The following RASGEF1C variants were observed in gnomAD, a reference collection of about 807,000 sequenced individuals.
RASGEF1C encodes the protein RasGEF domain family member 1C.
RASGEF1C carries 27 observed loss-of-function variants against 58.1 expected under a neutral mutation model. The observed-to-expected ratio is 0.46, with a 90% confidence interval of 0.34 to 0.64. The LOEUF is 0.64. RASGEF1C is among the 30% of genes least tolerant of loss of function. RASGEF1C has a pLI of 0.01. For missense variants in RASGEF1C, 502 were observed against 605.1 expected, an observed-to-expected ratio of 0.83 and a Z score of 1.79; for synonymous variants, 243 against 246.3, an observed-to-expected ratio of 0.99 and a Z score of 0.13.
intron 1 of RASGEF1C, among the ~76,000 whole-genome samples, chr5:180,190,218 T>C (rs1227803790): frequency 6.6e-6 from 1 of 151,916 alleles, no homozygotes; most frequent in Non-Finnish European, 1.5e-5. Context: ...CCGGGCACGG[T>C]GGCTCACGCC....
At chr5:180,180,511 C>G (rs1268877444) in intron 1 of RASGEF1C, among the ~76,000 whole-genome samples, 1 of 152,222 alleles carries the variant, frequency 6.6e-6, no homozygotes, top group Non-Finnish European at 1.5e-5. Context: ...CCTCACTTCA[C>G]AGTTTGCAGA....
At chr5:180,103,164 G>A (rs1561727541) in intron 12 of RASGEF1C, among the ~76,000 whole-genome samples, 1 of 152,128 alleles carries the variant, frequency 6.6e-6, no homozygotes, top group Admixed American at 6.5e-5. Context: ...TGCAAGCTCT[G>A]CCTCCCGGGT....
intron 6 of RASGEF1C, among the ~76,000 whole-genome samples, chr5:180,121,868 C>T (rs1766183149): frequency 1.3e-5 from 2 of 152,340 alleles, no homozygotes; most frequent in South Asian, 2.1e-4. Flanking sequence ...CCGCATCACA[C>T]GCTCAGACTT....
chr5:180,207,542 G>A (rs948247272), intron 1 of RASGEF1C, among the ~76,000 whole-genome samples: 1 of 152,162 alleles, frequency 6.6e-6, no homozygotes, highest in African/African-American at 2.4e-5. Context: ...AAAGGGCCAG[G>A]TCCCGGGCAG....
At chr5:180,134,190 C>T (rs1285776369) in intron 4 of RASGEF1C, among the ~76,000 whole-genome samples, 1 of 152,126 alleles carries the variant, frequency 6.6e-6, no homozygotes, top group Admixed American at 6.5e-5. Flanking sequence ...CAGAGAAGGT[C>T]CTCTTTGGGG....
intron 4 of RASGEF1C, among the ~76,000 whole-genome samples, chr5:180,129,776 C>G (rs567498776): frequency 3.7e-4 from 56 of 152,356 alleles, no homozygotes; most frequent in African/African-American, 1.3e-3. Context: ...CCCAGGCCGG[C>G]TCCTGGCTGT....
intron 1 of RASGEF1C, among the ~76,000 whole-genome samples, chr5:180,182,043 A>AAAAAAAAAAAT (rs1767342054): frequency 6.6e-6 from 1 of 151,400 alleles, no homozygotes. Context: ...CTCTACTAAA[A>AAAAAAAAAAAT]ATACAAAAAA....
At chr5:180,173,727 A>G (rs1166844865) in intron 1 of RASGEF1C, among the ~76,000 whole-genome samples, 1 of 152,110 alleles carries the variant, frequency 6.6e-6, no homozygotes, top group Non-Finnish European at 1.5e-5. Context: ...AGCCTGGCCA[A>G]CATGGTGAAA....
chr5:180,199,291 C>G (rs1435042832), intron 1 of RASGEF1C, among the ~76,000 whole-genome samples: 1 of 152,128 alleles, frequency 6.6e-6, no homozygotes, highest in Non-Finnish European at 1.5e-5. Context: ...TCTACAGGAA[C>G]GACAAAAAGC....
rs115257148 is a variant in RASGEF1C, at chr5:180,170,522, G to A, written c.-6-32464C>T. 5.0e-3 allele frequency among the ~76,000 whole-genome samples: 759 copies of A among 152,268 alleles called. 6 individuals are homozygous for A. The highest frequency in any genetic ancestry group is 0.017 in the African/African-American group (719 of 41,544). On this transcript the variant is annotated intron_variant, in intron 1 of 13. Coordinates refer to ENST00000361132, the MANE Select transcript of RASGEF1C (RefSeq NM_175062.4). Reference sequence around the variant, plus strand: ...GGGGTACTGTCCTTCCAGCCCCCGCGCTACGCAGCTGCTGCCTGGTCCTCG... The same window carrying A: ...GGGGTACTGTCCTTCCAGCCCCCGCACTACGCAGCTGCTGCCTGGTCCTCG...
rs576827385 is a variant in RASGEF1C, at chr5:180,155,885, C to T, written c.-6-17827G>A. 4.4e-4 allele frequency among the ~76,000 whole-genome samples: 67 copies of T among 152,192 alleles called. No individual in the cohort carries two copies. The highest frequency in any genetic ancestry group is 7.7e-4 in the East Asian group (4 of 5,162). On this transcript the variant is annotated intron_variant, in intron 1 of 13. Transcript: ENST00000361132. The surrounding 1 kb of genome is among the most constrained non-coding windows in gnomAD (Gnocchi z 5.2). Reference sequence around the variant, plus strand: ...CTGAAGCCTGAGTCAGGGTGGGAACCGGAGTCCTGGCCAAGAGGGCACTGT... The same window carrying T: ...CTGAAGCCTGAGTCAGGGTGGGAACTGGAGTCCTGGCCAAGAGGGCACTGT...
At chr5:180,176,082 A>G (rs1181986728) in intron 1 of RASGEF1C, among the ~76,000 whole-genome samples, 2 of 152,256 alleles carry the variant, frequency 1.3e-5, no homozygotes, top group African/African-American at 4.8e-5. Context: ...CCCAACCCAA[A>G]GAGGCCACAT....
chr5:180,108,401 C>T (rs745764043), intron 12 of RASGEF1C, among the ~76,000 whole-genome samples: 1 of 151,762 alleles, frequency 6.6e-6, no homozygotes, highest in Non-Finnish European at 1.5e-5. Context: ...TGGGGTTTCA[C>T]CGTGTTAGCC....
At chr5:180,141,844 G>A (rs1246180150) in intron 1 of RASGEF1C, among the ~76,000 whole-genome samples, 1 of 151,712 alleles carries the variant, frequency 6.6e-6, no homozygotes, top group Admixed American at 6.6e-5. Context: ...CAAGTAGCTG[G>A]GATTACAGGT....
At chr5:180,111,647 G>T in intron 11 of RASGEF1C, 67 bp from the exon 12 acceptor site, 2 of 1,577,810 alleles carry the variant, frequency 1.3e-6, no homozygotes, top group Non-Finnish European at 1.7e-6. Context: ...GAGGGGGAGG[G>T]GCTGGTCCTG....
chr5:180,173,033 G>A (rs1207397186), intron 1 of RASGEF1C, among the ~76,000 whole-genome samples: 1 of 152,186 alleles, frequency 6.6e-6, no homozygotes, highest in African/African-American at 2.4e-5. Context: ...TCTGTCCCCT[G>A]GCAGGACCTG....
intron 13 of RASGEF1C, 67 bp from the exon 14 acceptor site, chr5:180,101,592 C>T: frequency 6.3e-7 from 1 of 1,581,234 alleles, no homozygotes; most frequent in African/African-American, 1.3e-5. Flanking sequence ...GACTGCTCTC[C>T]AGCACAGCCA....
intron 6 of RASGEF1C, among the ~76,000 whole-genome samples, chr5:180,125,140 C>CCAA (rs759767490): frequency 1.3e-4 from 20 of 152,020 alleles, no homozygotes; most frequent in South Asian, 8.3e-4. Context: ...CTCAAAAATA[C>CCAA]CAACAACAAC....
chr5:180,142,999 C>T (rs1161054146), intron 1 of RASGEF1C, among the ~76,000 whole-genome samples: 1 of 152,154 alleles, frequency 6.6e-6, no homozygotes, highest in Non-Finnish European at 1.5e-5. Flanking sequence ...CTCGGTTTCC[C>T]TCTCCATGGC....
Sources: gnomAD v4.1 joint callset for allele counts (sites outside exome capture counted in the v4.1 genomes callset) on GRCh38, gnomAD v4.1.1 for gene constraint, Gnocchi (gnomAD v3.1) non-coding constraint, MANE v1.5 for transcripts, NCBI Gene and HGNC (gene_info 2026-07-23, HGNC 2026-07-21) for gene names.